PACRG: variants seen among roughly 807,000 people sequenced by gnomAD.
PACRG encodes the protein parkin coregulated.
A neutral mutation model predicts 29.7 loss-of-function variants in PACRG; 29 were observed. The observed-to-expected ratio is 0.98, with a 90% CI of 0.73 to 1.33. The LOEUF is 1.33. Ranked by LOEUF, PACRG falls within the 40% of genes most tolerant of loss-of-function variation. The pLI is 0.00. For synonymous variants in PACRG, 116 were observed against 118.7 expected (o/e 0.98, Z 0.15); for missense variants, 279 against 316.2 (o/e 0.88, Z 0.89).
chr6:163,233,904 A>T (rs919050338), intron 4 of PACRG, among the ~76,000 whole-genome samples: 1 of 152,224 alleles, frequency 6.6e-6, no homozygotes, highest in African/African-American at 2.4e-5. Context: ...AGATTTCACC[A>T]AATGAGAGAC....
chr6:163,275,702 G>T (rs1264970836), intron 4 of PACRG, among the ~76,000 whole-genome samples: 1 of 152,112 alleles, frequency 6.6e-6, no homozygotes, highest in Admixed American at 6.5e-5. Flanking sequence ...TTGTCTGGCT[G>T]TTCAATTATT....
intron 2 of PACRG, among the ~76,000 whole-genome samples, chr6:162,905,353 A>G (rs553665638): frequency 1.3e-5 from 2 of 152,302 alleles, no homozygotes; most frequent in South Asian, 2.1e-4. Context: ...AGGTAATAAT[A>G]ATTATGAGAC....
At chr6:162,917,878 C>G (rs1039844960) in intron 2 of PACRG, among the ~76,000 whole-genome samples, 1 of 152,116 alleles carries the variant, frequency 6.6e-6, no homozygotes, top group Non-Finnish European at 1.5e-5. Context: ...TATTTATAGG[C>G]TTTCACTCAT....
chr6:162,859,891 T>C (rs1189862996), intron 2 of PACRG, among the ~76,000 whole-genome samples: 1 of 152,192 alleles, frequency 6.6e-6, no homozygotes, highest in Admixed American at 6.5e-5. Flanking sequence ...ACAGAAAACT[T>C]TTGTTACATA....
intron 2 of PACRG, among the ~76,000 whole-genome samples, chr6:162,986,779 A>G (rs1458751185): frequency 6.6e-6 from 1 of 152,042 alleles, no homozygotes; most frequent in Non-Finnish European, 1.5e-5. Flanking sequence ...TTAACTCTGA[A>G]GTTGTTTTTT....
chr6:162,773,383 G>A lies in PACRG; in HGVS notation c.157-40764G>A, dbSNP rs189501688. On this transcript the variant is annotated intron_variant, in intron 1 of 4. Coordinates refer to ENST00000366888, the MANE Select transcript of PACRG (RefSeq NM_001080379.2). Reference sequence around the variant, plus strand: ...GATTGCAATACAAAATAAGTAGCACGAATACTTTAAAAATAGATGTAGATA... The same window carrying A: ...GATTGCAATACAAAATAAGTAGCACAAATACTTTAAAAATAGATGTAGATA... Among the ~76,000 whole-genome samples, 104 of 150,180 alleles carry A rather than the reference G, an allele frequency of 6.9e-4. No individual in the cohort carries two copies. The East Asian group carries it at 0.01, about 15-fold the overall frequency.
chr6:163,197,653 G>T (rs528666355), intron 4 of PACRG, among the ~76,000 whole-genome samples: 5 of 151,594 alleles, frequency 3.3e-5, no homozygotes, highest in Non-Finnish European at 7.4e-5. Context: ...GTTTCACCGT[G>T]TTAGCCAGGA....
At position 162,981,033 on chromosome 6, in the gene PACRG, C is replaced by T. The variant is rs540367157; in HGVS notation, c.292-81117C>T. On this transcript the variant is annotated intron_variant, in intron 2 of 4. Coordinates refer to ENST00000366888, the MANE Select transcript of PACRG (RefSeq NM_001080379.2). ...CCAATGTGTAGTCCTTTATCCCTCA[C>T]CCCCTCCCAAACCTCCCACTGAGTC... 4.6e-5 allele frequency among the ~76,000 whole-genome samples: 7 copies of T among 151,910 alleles called. No individual in the cohort carries two copies. In the South Asian group the frequency reaches 1.5e-3, roughly 32 times the overall value.
chr6:162,849,005 T>C (rs936761912), intron 2 of PACRG, among the ~76,000 whole-genome samples: 2 of 152,160 alleles, frequency 1.3e-5, no homozygotes, highest in Admixed American at 1.3e-4. Flanking sequence ...TGTTGAAAAC[T>C]GAATTGATGC....
At chr6:162,874,874 C>A (rs1158746989) in intron 2 of PACRG, among the ~76,000 whole-genome samples, 1 of 152,038 alleles carries the variant, frequency 6.6e-6, no homozygotes, top group Non-Finnish European at 1.5e-5. Flanking sequence ...CTCACACTCA[C>A]ACACCCATTA....
At chr6:163,116,573 A>G (rs1304445007) in intron 4 of PACRG, among the ~76,000 whole-genome samples, 1 of 151,930 alleles carries the variant, frequency 6.6e-6, no homozygotes, top group Non-Finnish European at 1.5e-5. Flanking sequence ...ACAGCAGTCC[A>G]GGTATGACGG....
At chr6:162,965,540 A>G (rs73607843) in intron 2 of PACRG, among the ~76,000 whole-genome samples, 1,855 of 152,254 alleles carry the variant, frequency 0.012, 32 homozygotes, top group African/African-American at 0.043. Flanking sequence ...GACTAATCCC[A>G]TTCATGAAGG....
chr6:163,260,510 T>A (rs1011175328), intron 4 of PACRG, among the ~76,000 whole-genome samples: 1 of 152,218 alleles, frequency 6.6e-6, no homozygotes, highest in Non-Finnish European at 1.5e-5. Context: ...TGTTCCTAAT[T>A]GCTATTGTAG....
chr6:163,223,782 G>T (rs1289364964), intron 4 of PACRG, among the ~76,000 whole-genome samples: 1 of 152,114 alleles, frequency 6.6e-6, no homozygotes, highest in Non-Finnish European at 1.5e-5. Flanking sequence ...AGAGGGAGCT[G>T]GTCCACAAAC....
At chr6:163,089,127 A>G in intron 3 of PACRG, 132 bp from the exon 4 acceptor site, 2 of 831,282 alleles carry the variant, frequency 2.4e-6, no homozygotes, top group South Asian at 1.9e-5. Flanking sequence ...AAGCTATAAT[A>G]ATAAAGGCCC....
intron 1 of PACRG, among the ~76,000 whole-genome samples, chr6:162,796,435 T>A (rs905560018): frequency 7.2e-5 from 11 of 152,206 alleles, no homozygotes; most frequent in African/African-American, 2.7e-4. Flanking sequence ...TCTTTGTTCA[T>A]GTGTATTTGA....
chr6:163,064,301 A>T (rs1276927364), intron 3 of PACRG, among the ~76,000 whole-genome samples: 1 of 152,204 alleles, frequency 6.6e-6, no homozygotes, highest in East Asian at 1.9e-4. Flanking sequence ...GAAGATACAT[A>T]AATGAGTAAA....
intron 2 of PACRG, among the ~76,000 whole-genome samples, chr6:163,041,907 C>T (rs1808763130): frequency 6.6e-6 from 1 of 152,078 alleles, no homozygotes; most frequent in Admixed American, 6.5e-5. Context: ...CTTTTGTTGC[C>T]CAGGCTGGAG....
At chr6:163,267,294 A>G (rs13214395) in intron 4 of PACRG, among the ~76,000 whole-genome samples, 36,930 of 152,120 alleles carry the variant, frequency 0.24, 4,861 homozygotes, top group Admixed American at 0.33. Flanking sequence ...TCCTAACTGC[A>G]TGATTTATCT....
Sources: gnomAD v4.1 joint callset for allele counts (sites outside exome capture counted in the v4.1 genomes callset) on GRCh38, gnomAD v4.1.1 for gene constraint, MANE v1.5 for transcripts, NCBI Gene and HGNC (gene_info 2026-07-23, HGNC 2026-07-21) for gene names.